DENND4C: variants seen among roughly 807,000 people sequenced by gnomAD.
The protein encoded by DENND4C is DENN domain containing 4C, also known as DENN domain-containing protein 4C.
A neutral mutation model predicts 203.0 loss-of-function variants in DENND4C; 108 were observed. The ratio of observed to expected loss-of-function variants is 0.53; its 90% confidence interval spans 0.46 to 0.62. The LOEUF is 0.62. DENND4C is among the 20% of genes least tolerant of loss of function. The pLI is 0.00. For missense variants in DENND4C, 2,481 were observed against 2,301.2 expected, an observed-to-expected ratio of 1.08 and a Z score of -1.60; for synonymous variants, 871 against 792.4, an observed-to-expected ratio of 1.10 and a Z score of -1.67.
In DENND4C at chr9:19,291,703, T is replaced by TAA. The variant is rs61007729; in HGVS notation, c.801+845_801+846dup. On this transcript the variant is annotated intron_variant, in intron 5 of 32. Transcript: ENST00000434457. ...CTAGGCTACAGAGCGATACTCTTTC[T>TAA]AAAAAAAAAAAAAAAAAAATAGCAG... Among the ~76,000 whole-genome samples, 5 of 135,518 alleles carry TAA rather than the reference T, an allele frequency of 3.7e-5. No individual in the cohort carries two copies. The East Asian group carries it at 8.8e-4, about 24-fold the overall frequency. 88.9% of individuals were successfully genotyped at this position (135,518 alleles called of 152,430 possible).
intron 12 of DENND4C, among the ~76,000 whole-genome samples, chr9:19,319,600 G>C (rs953569520): frequency 6.6e-6 from 1 of 151,256 alleles, no homozygotes; most frequent in South Asian, 2.1e-4. Flanking sequence ...TCAGATTGTG[G>C]GTAATTATAA....
At position 19,352,145 on chromosome 9, in the gene DENND4C, C is replaced by A; in HGVS notation, c.4568C>A (p.Thr1523Asn). ...TCAGATCATGGTTCTTCTCAAAATA[C>A]CAGCATGTCTAGCATCTATCAGAAT... is the stretch of plus-strand genomic sequence containing the variant. Reference protein sequence around the residue: ...EKSDHGSSQNTSMSSIYQNCA... With the variant: ...EKSDHGSSQNNSMSSIYQNCA... Residue 1523 changes from threonine (T) to asparagine (N), a missense_variant, in exon 25 of 33, where the codon ACC (threonine) becomes AAC (asparagine). Coordinates refer to ENST00000434457, the MANE Select transcript of DENND4C (RefSeq NM_001330640.2). The A allele has an allele frequency of 3.1e-6, 5 of 1,613,878 alleles. No homozygotes were observed. Among genetic ancestry groups the A allele is most frequent in the Non-Finnish European group, 4.2e-6 (5 of 1,179,906 alleles).
At chr9:19,251,950 C>A (rs12002482) in intron 1 of DENND4C, among the ~76,000 whole-genome samples, 2 of 152,114 alleles carry the variant, frequency 1.3e-5, no homozygotes, top group African/African-American at 4.8e-5. Context: ...CCAAACTGTT[C>A]CAGCCTCTGC....
At chr9:19,306,314 T>A (rs1839647793) in intron 10 of DENND4C, among the ~76,000 whole-genome samples, 1 of 152,218 alleles carries the variant, frequency 6.6e-6, no homozygotes. Context: ...GGAAAATATT[T>A]TTATGTGAAC....
chr9:19,262,149 T>G (rs1829541406), intron 1 of DENND4C, among the ~76,000 whole-genome samples: 1 of 143,260 alleles, frequency 7.0e-6, no homozygotes, highest in Admixed American at 7.4e-5. Flanking sequence ...TGCAGTGGTG[T>G]GATCTCAGCT....
chr9:19,288,680 A>G lies in DENND4C; in HGVS notation c.628+15A>G. 1 of 1,227,708 alleles carries G rather than the reference A, an allele frequency of 8.1e-7. No homozygotes were observed. Among genetic ancestry groups the G allele is most frequent in the Non-Finnish European group, 1.0e-6 (1 of 984,088 alleles). 76.1% of individuals were successfully genotyped at this position (1,227,708 alleles called of 1,614,324 possible). On this transcript the variant is annotated intron_variant, in intron 4 of 32. Transcript: ENST00000434457. ...ATATAAGGCTGGTAAGTGAGTTAAA[A>G]AAAATTGTCTCAATTGCTATAGTTA...
At chr9:19,299,564 A>C (rs1838134834) in intron 8 of DENND4C, among the ~76,000 whole-genome samples, 2 of 152,276 alleles carry the variant, frequency 1.3e-5, no homozygotes, top group South Asian at 2.1e-4. Flanking sequence ...TATCCAGTTC[A>C]TAACTAAAGG....
intron 18 of DENND4C, 80 bp downstream of exon 18, chr9:19,335,185 T>A: frequency 9.5e-7 from 1 of 1,055,586 alleles, no homozygotes. Flanking sequence ...TTCATGAAAC[T>A]CCTATTAAAG....
In DENND4C at chr9:19,304,057, A is replaced by T. The variant is rs370089899; in HGVS notation, c.1312-1295A>T. ...CAAAACCTGTCTTTTTTAAAAAAAA[A>T]AAAAACCCACAAATGATGCAATTGA... On this transcript the variant is annotated intron_variant, in intron 9 of 32. Coordinates refer to ENST00000434457, the MANE Select transcript of DENND4C (RefSeq NM_001330640.2). Among the ~76,000 whole-genome samples, 35 of 151,542 alleles carry T rather than the reference A, an allele frequency of 2.3e-4. No individual in the cohort carries two copies. The East Asian group carries it at 6.8e-3, about 29-fold the overall frequency.
rs771674849 is a variant in DENND4C at position 19,296,141 on chromosome 9, G to C, written c.935G>C (p.Cys312Ser). ...MVSKSINTNK[C>S]ICLLSHWPFF... ...TCCAAATCCATCAATACAAACAAAT[G>C]CATTTGTTTACTCTCACACTGGCCT... Residue 312 changes from cysteine to serine, a missense_variant, in exon 6 of 33, where the codon TGC becomes TCC. Physicochemically the swap from Cys to Ser is moderately radical, Grantham distance 112. Around this residue, in one of 3 missense-constraint regions of DENND4C, gnomAD observed 2,289 missense variants for 2,113.3 expected, o/e 1.08. Coordinates refer to ENST00000434457, the MANE Select transcript of DENND4C (RefSeq NM_001330640.2). The C allele has an allele frequency of 4.3e-6, 7 of 1,613,744 alleles. No homozygotes were observed. Among genetic ancestry groups the C allele is most frequent in the South Asian group, 1.1e-5 (1 of 91,074 alleles).
chr9:19,293,535 C>G lies in DENND4C; in HGVS notation c.802-2473C>G, dbSNP rs552318398. 1.4e-4 allele frequency among the ~76,000 whole-genome samples: 21 copies of G among 151,196 alleles called. 1 individual carries two copies. In the East Asian group the frequency reaches 4.1e-3, roughly 29 times the overall value. The stretch of plus-strand genomic sequence containing the variant: ...AGGGTTCCTGTGATATATATAATGA[C>G]TAAACAGTTGGCAAGATTTATAAAA... On this transcript the variant is annotated intron_variant, in intron 5 of 32. Transcript: ENST00000434457.
At chr9:19,342,844 T>G in intron 22 of DENND4C, 65 bp downstream of exon 22, 4 of 1,292,050 alleles carry the variant, frequency 3.1e-6, no homozygotes, top group Non-Finnish European at 4.0e-6. Flanking sequence ...TATGTGTCTT[T>G]AATGACATTA....
chr9:19,360,634 G>A, intron 29 of DENND4C, 145 bp downstream of exon 29: 4 of 1,096,762 alleles, frequency 3.6e-6, no homozygotes, highest in Non-Finnish European at 3.9e-6. Flanking sequence ...GTCCTGGAAT[G>A]GTAAAGTGTT....
chr9:19,367,336 C>CA (rs1227266818), intron 30 of DENND4C, among the ~76,000 whole-genome samples: 1 of 152,228 alleles, frequency 6.6e-6, no homozygotes. Flanking sequence ...CAGTTGCACT[C>CA]ACGTATATAC....
chr9:19,328,677 ATC>A (rs1818406626), intron 16 of DENND4C, among the ~76,000 whole-genome samples: 1 of 150,698 alleles, frequency 6.6e-6, no homozygotes, highest in South Asian at 2.1e-4. Context: ...CTATCTATCT[ATC>A]TATCTATCTA....
intron 9 of DENND4C, among the ~76,000 whole-genome samples, chr9:19,303,221 G>A (rs1246171339): frequency 6.6e-6 from 1 of 152,056 alleles, no homozygotes; most frequent in Non-Finnish European, 1.5e-5. Flanking sequence ...AAAAGTGTTG[G>A]ATTTTGCAGC....
intron 18 of DENND4C, among the ~76,000 whole-genome samples, chr9:19,335,725 A>G (rs1820315258): frequency 1.3e-5 from 2 of 152,216 alleles, no homozygotes; most frequent in East Asian, 1.9e-4. Flanking sequence ...CTCGTTGTGT[A>G]TATATACCAC....
chr9:19,260,345 A>C (rs140833698), intron 1 of DENND4C, among the ~76,000 whole-genome samples: 152 of 145,200 alleles, frequency 1.0e-3, no homozygotes, highest in African/African-American at 3.6e-3. Flanking sequence ...TTTCCTGTAG[A>C]GTTGTTTGAT....
At chr9:19,303,057 C>G (rs1224368545) in intron 9 of DENND4C, among the ~76,000 whole-genome samples, 1 of 150,772 alleles carries the variant, frequency 6.6e-6, no homozygotes, top group African/African-American at 2.4e-5. Context: ...TATCCCTTAT[C>G]TAAAATGCTT....
Sources: gnomAD v4.1 joint callset for allele counts (sites outside exome capture counted in the v4.1 genomes callset) on GRCh38, gnomAD v4.1.1 for gene constraint, gnomAD v4.1.1 regional missense constraint, MANE v1.5 for transcripts, NCBI Gene and HGNC (gene_info 2026-07-23, HGNC 2026-07-21) for gene names.